RNF169: variants seen among roughly 807,000 people sequenced by gnomAD.
RNF169 encodes the protein ring finger protein 169, also known as E3 ubiquitin-protein ligase RNF169.
RNF169 carries 24 observed loss-of-function variants against 53.9 expected under a neutral mutation model. The ratio of observed to expected loss-of-function variants is 0.45; its 90% CI spans 0.32 to 0.63. RNF169 has a LOEUF of 0.63. Among genes scored for constraint, RNF169 ranks in the 20% least tolerant of loss-of-function variants. The probability of loss-of-function intolerance (pLI) is 0.04; values close to 1 mark genes in which losing one functional copy is unlikely to be tolerated. For missense variants in RNF169, 883 were observed against 906.2 expected (o/e 0.97, Z 0.33); for synonymous variants, 396 against 363.5 (o/e 1.09, Z -1.02).
chr11:74,763,801 A>G (rs1396949665), intron 1 of RNF169, among the ~76,000 whole-genome samples: 1 of 152,206 alleles, frequency 6.6e-6, no homozygotes, highest in African/African-American at 2.4e-5. Context: ...AATTAGTAAA[A>G]AGTCCTGAAT....
chr11:74,820,068 A>G, intron 4 of RNF169, among the ~76,000 whole-genome samples: 1 of 152,278 alleles, frequency 6.6e-6, no homozygotes, highest in Non-Finnish European at 1.5e-5. Flanking sequence ...GTTAGAGTGA[A>G]TTGAAATCTG....
chr11:74,768,620 AAAG>A (rs1299452136), intron 1 of RNF169, among the ~76,000 whole-genome samples: 2 of 152,158 alleles, frequency 1.3e-5, no homozygotes, highest in African/African-American at 2.4e-5. Flanking sequence ...AAAAAAAAAA[AAAG>A]GTTGTAAATG....
At chr11:74,767,889 G>A (rs957260851) in intron 1 of RNF169, among the ~76,000 whole-genome samples, 4 of 152,054 alleles carry the variant, frequency 2.6e-5, no homozygotes, top group African/African-American at 9.7e-5. Flanking sequence ...TGTTGCCAGG[G>A]CAGGTCTTGA....
intron 2 of RNF169, among the ~76,000 whole-genome samples, chr11:74,795,501 T>G (rs1292431805): frequency 6.6e-6 from 1 of 152,210 alleles, no homozygotes; most frequent in Non-Finnish European, 1.5e-5. Context: ...AATGCTGTGC[T>G]GAGCACCCAC....
At position 74,796,990 on chromosome 11, in the gene RNF169, C is replaced by T. The variant is rs532355221; in HGVS notation, c.576+7291C>T. Among the ~76,000 whole-genome samples, 18 of 152,300 alleles carry T rather than the reference C, an allele frequency of 1.2e-4. No homozygotes were observed. The East Asian group carries it at 3.1e-3, about 26-fold the overall frequency. On this transcript the variant is annotated intron_variant, in intron 2 of 5. Coordinates refer to ENST00000299563, the MANE Select transcript of RNF169 (RefSeq NM_001098638.2). ...GCCTCAGCTGGCTGAGTAGGTGGGG[C>T]TACAGGCACGTACCACCTTCCCTGG...
intron 1 of RNF169, among the ~76,000 whole-genome samples, chr11:74,783,937 G>A (rs1357832421): frequency 2.0e-5 from 3 of 152,160 alleles, no homozygotes; most frequent in African/African-American, 4.8e-5. Flanking sequence ...ACTGTTGAAT[G>A]CATACATGTT....
At chr11:74,773,010 T>C (rs1359030224) in intron 1 of RNF169, among the ~76,000 whole-genome samples, 1 of 152,178 alleles carries the variant, frequency 6.6e-6, no homozygotes, top group Non-Finnish European at 1.5e-5. Context: ...AAAATAGATA[T>C]ATATTGGTTT....
At chr11:74,780,229 T>A (rs1457501067) in intron 1 of RNF169, among the ~76,000 whole-genome samples, 1 of 152,252 alleles carries the variant, frequency 6.6e-6, no homozygotes, top group Non-Finnish European at 1.5e-5. Context: ...ACCCATGTTC[T>A]GCTTTTTATT....
At chr11:74,819,231 C>T (rs941469351) in intron 4 of RNF169, among the ~76,000 whole-genome samples, 16 of 152,232 alleles carry the variant, frequency 1.1e-4, no homozygotes, top group Admixed American at 6.5e-4. Context: ...GGAACATGGA[C>T]TCTTGTAGCT....
intron 2 of RNF169, among the ~76,000 whole-genome samples, chr11:74,806,387 C>T (rs960516802): frequency 6.6e-5 from 10 of 152,152 alleles, no homozygotes; most frequent in African/African-American, 1.7e-4. Flanking sequence ...GGGAGGCAGG[C>T]GTGTAATCTG....
chr11:74,761,534 T>A (rs2035082308), intron 1 of RNF169, among the ~76,000 whole-genome samples: 1 of 151,646 alleles, frequency 6.6e-6, no homozygotes, highest in African/African-American at 2.4e-5. Flanking sequence ...CAGCATTTGC[T>A]TGTCTGTAAA....
intron 4 of RNF169, chr11:74,832,343 C>T (rs1406173446): frequency 2.0e-5 from 3 of 149,898 alleles, no homozygotes; most frequent in African/African-American, 7.4e-5. Context: ...AGTGTGTTTC[C>T]TCCCTGGGCC....
chr11:74,805,180 A>C (rs1053603991), intron 2 of RNF169, among the ~76,000 whole-genome samples: 1 of 152,362 alleles, frequency 6.6e-6, no homozygotes, highest in South Asian at 2.1e-4. Flanking sequence ...TATTCATAGA[A>C]TGGGTTATAT....
rs995088937 is a variant in RNF169, at chr11:74,807,844, A to G, written c.577-2340A>G. On this transcript the variant is annotated intron_variant, in intron 2 of 5. Coordinates refer to ENST00000299563, the MANE Select transcript of RNF169 (RefSeq NM_001098638.2). ...CTAGAGACCAAGTTCTCAAATCCTT[A>G]TAAATAACAACCAAAAGCAATGAAA... 17 of 152,218 alleles carry G rather than the reference A, an allele frequency of 1.1e-4. 1 individual carries two copies. The highest frequency in any genetic ancestry group is 4.1e-4 in the African/African-American group (17 of 41,446). The allele number at this position is 152,218 out of a possible 1,614,324, so 9.4% of individuals were successfully genotyped here.
chr11:74,840,401 T>C lies in RNF169; in HGVS notation c.*3671T>C, dbSNP rs140152190. 2.6e-5 allele frequency: 4 copies of C among 152,336 alleles called. No homozygotes were observed. Among genetic ancestry groups the C allele is most frequent in the Non-Finnish European group, 4.4e-5 (3 of 68,030 alleles). 9.4% of individuals were successfully genotyped at this position (152,336 alleles called of 1,614,324 possible). On this transcript the variant is annotated 3_prime_UTR_variant, in exon 6 of 6. Transcript: ENST00000299563. ...ACCCCATTGGTATTTGTGAATTTGA[T>C]TGCACCACCGCTTTTCCTTTACTAA...
intron 1 of RNF169, among the ~76,000 whole-genome samples, chr11:74,757,430 C>T (rs1202945921): frequency 6.5e-5 from 9 of 137,976 alleles, no homozygotes; most frequent in Non-Finnish European, 1.4e-4. Context: ...CAAGTCTTTG[C>T]TATTGTGAAT....
At chr11:74,754,009 C>CA (rs1363066964) in intron 1 of RNF169, among the ~76,000 whole-genome samples, 2 of 152,234 alleles carry the variant, frequency 1.3e-5, no homozygotes, top group East Asian at 3.9e-4. Context: ...AAAATGAACT[C>CA]AGAGTTCAAC....
intron 1 of RNF169, among the ~76,000 whole-genome samples, chr11:74,785,157 T>A (rs1030111526): frequency 4.0e-4 from 55 of 136,358 alleles, no homozygotes; most frequent in African/African-American, 1.3e-3. Context: ...ACATGTATTT[T>A]TATATATATA....
intron 1 of RNF169, among the ~76,000 whole-genome samples, chr11:74,785,285 AT>A (rs981013484): frequency 2.8e-5 from 4 of 144,380 alleles, no homozygotes; most frequent in African/African-American, 7.6e-5. Context: ...AGATATATAT[AT>A]GTTATATATA....
Sources: allele counts gnomAD v4.1 joint callset (sites outside exome capture counted in the v4.1 genomes callset), GRCh38; gene constraint gnomAD v4.1.1; transcripts MANE v1.5; gene names NCBI Gene and HGNC (gene_info 2026-07-23, HGNC 2026-07-21).